The following HS3ST1 variants were observed in gnomAD, a reference collection of about 807,000 sequenced individuals.
HS3ST1 encodes the protein heparan sulfate-glucosamine 3-sulfotransferase 1.
In HS3ST1, 8 loss-of-function variants were observed where a neutral mutation model predicts 20.7. The ratio of observed to expected loss-of-function variants is 0.39; its 90% CI spans 0.23 to 0.70. The LOEUF (loss-of-function observed/expected upper bound fraction) is 0.70, where lower values mean the gene tolerates loss of function less well. Ranked by LOEUF, HS3ST1 falls within the 30% of genes least tolerant of loss-of-function variation. The pLI is 0.46. For missense variants in HS3ST1, 436 were observed against 423.4 expected, an observed-to-expected ratio of 1.03 and a Z score of -0.26; for synonymous variants, 205 against 190.4, an observed-to-expected ratio of 1.08 and a Z score of -0.63.
Position 11,393,671 on chromosome 4 carries a change from A to T in HS3ST1, c.*5411T>A, listed in dbSNP as rs1045909900. The T allele has an allele frequency of 2.6e-5, 4 of 152,242 alleles. No individual in the cohort carries two copies. Among genetic ancestry groups the T allele is most frequent in the Non-Finnish European group, 4.4e-5 (3 of 68,040 alleles). 9.4% of individuals were successfully genotyped at this position (152,242 alleles called of 1,614,324 possible). On this transcript the variant is annotated 3_prime_UTR_variant, in exon 2 of 2. Coordinates refer to ENST00000002596, the MANE Select transcript of HS3ST1 (RefSeq NM_005114.4). The stretch of plus-strand genomic sequence containing the variant: ...ACAGTTTCAGGAGAAGTCTAGCCTC[A>T]GCCTGATCTCACGAGGAGCTCTGAG...
chr4:11,410,148 C>A (rs574244831), intron 1 of HS3ST1, among the ~76,000 whole-genome samples: 2 of 152,304 alleles, frequency 1.3e-5, no homozygotes, highest in Admixed American at 6.5e-5. Flanking sequence ...TACAAGACAT[C>A]TACGATGTTT....
upstream of HS3ST1, among the ~76,000 whole-genome samples, chr4:11,430,538 C>A (rs144825333): frequency 6.6e-6 from 1 of 152,276 alleles, no homozygotes; most frequent in Middle Eastern, 3.4e-3. Flanking sequence ...CTTCAAAATA[C>A]GGGGTGGTTT....
At chr4:11,425,723 A>C (rs945595217) in intron 1 of HS3ST1, among the ~76,000 whole-genome samples, 3 of 152,214 alleles carry the variant, frequency 2.0e-5, no homozygotes, top group Non-Finnish European at 2.9e-5. Flanking sequence ...TCCAATCGGC[A>C]AGATGCATTT....
intron 1 of HS3ST1, among the ~76,000 whole-genome samples, chr4:11,415,359 G>C (rs932212116): frequency 6.6e-6 from 1 of 152,124 alleles, no homozygotes; most frequent in African/African-American, 2.4e-5. Flanking sequence ...ACCAGTGCTT[G>C]TTTTCTTAGG....
At chr4:11,409,423 T>TA (rs1002577416) in intron 1 of HS3ST1, among the ~76,000 whole-genome samples, 4 of 141,174 alleles carry the variant, frequency 2.8e-5, no homozygotes, top group Non-Finnish European at 4.7e-5. Context: ...CGGATTTCCA[T>TA]AAGGTTGTAA....
upstream of HS3ST1, among the ~76,000 whole-genome samples, chr4:11,433,795 G>T (rs944654855): frequency 6.6e-6 from 1 of 152,290 alleles, no homozygotes; most frequent in Middle Eastern, 3.4e-3. Flanking sequence ...TAAGAAGAAT[G>T]AAATTCAATC....
At chr4:11,427,964 C>A (rs896635006) in intron 1 of HS3ST1, among the ~76,000 whole-genome samples, 1 of 152,218 alleles carries the variant, frequency 6.6e-6, no homozygotes, top group East Asian at 1.9e-4. Flanking sequence ...TAAGACCCTT[C>A]CTGGGAGCTG....
At chr4:11,407,456 A>C (rs1185459587) in intron 1 of HS3ST1, among the ~76,000 whole-genome samples, 1 of 152,226 alleles carries the variant, frequency 6.6e-6, no homozygotes, top group East Asian at 1.9e-4. Flanking sequence ...TGAAGGAAGG[A>C]GATGCTTTGG....
chr4:11,427,020 A>G (rs564203982), intron 1 of HS3ST1, among the ~76,000 whole-genome samples: 2 of 152,350 alleles, frequency 1.3e-5, no homozygotes, highest in South Asian at 4.1e-4. Flanking sequence ...TGCAGAAAGC[A>G]AGAAAAAAAT....
upstream of HS3ST1, among the ~76,000 whole-genome samples, chr4:11,430,309 A>G (rs1043861938): frequency 1.3e-5 from 2 of 150,568 alleles, no homozygotes; most frequent in Admixed American, 6.6e-5. Context: ...AAAAAAAAAT[A>G]CAAATTCTAA....
intron 1 of HS3ST1, among the ~76,000 whole-genome samples, chr4:11,403,713 G>T (rs1168468122): frequency 6.6e-6 from 1 of 152,190 alleles, no homozygotes; most frequent in African/African-American, 2.4e-5. Context: ...GACACACAGG[G>T]TATGTGTAGT....
At chr4:11,426,371 C>G (rs566940147) in intron 1 of HS3ST1, among the ~76,000 whole-genome samples, 3 of 151,464 alleles carry the variant, frequency 2.0e-5, no homozygotes, top group South Asian at 2.1e-4. Flanking sequence ...AGGCCCCCCC[C>G]CCAACCCTCA....
At chr4:11,416,423 G>A (rs1302670338) in intron 1 of HS3ST1, among the ~76,000 whole-genome samples, 1 of 152,214 alleles carries the variant, frequency 6.6e-6, no homozygotes, top group Non-Finnish European at 1.5e-5. Context: ...CCTGAGGGAT[G>A]CAGCCAAGTC....
upstream of HS3ST1, among the ~76,000 whole-genome samples, chr4:11,430,586 G>A (rs1719184317): frequency 1.3e-5 from 2 of 152,170 alleles, no homozygotes; most frequent in Admixed American, 6.5e-5. Flanking sequence ...TTTCTAAAGA[G>A]CTCAAAGTGC....
Position 11,399,499 on chromosome 4 carries a change from C to CTTG in HS3ST1, c.504_506dup (p.His168_Lys169insAsn). ...GGAACTCCTCGATGGACGGGTAGGG[C>CTTG]TTGTGCTTCTGCATGTGGTTGTAGA... is the stretch of plus-strand genomic sequence containing the variant. On this transcript the variant is annotated inframe_insertion, in exon 2 of 2. Transcript: ENST00000002596. This position sits in a 1 kb window ranked among gnomAD's most constrained non-coding sequence, Gnocchi z 5.1. 6.2e-7 allele frequency: 1 copy of CTTG among 1,614,028 alleles called. No homozygotes were observed. Among genetic ancestry groups the CTTG allele is most frequent in the East Asian group, 2.2e-5 (1 of 44,868 alleles).
Position 11,416,470 on chromosome 4 carries a change from G to A in HS3ST1, c.-109+12229C>T, listed in dbSNP as rs542089685. Among the ~76,000 whole-genome samples, 3 of 152,340 alleles carry A rather than the reference G, an allele frequency of 2.0e-5. No individual in the cohort carries two copies. In the South Asian group the frequency reaches 6.2e-4, roughly 32 times the overall value. ...ACAACAGTGCCACCTGCACAATGTG[G>A]AGAGCTCCAGGAGGACTGAAGAGGT... On this transcript the variant is annotated intron_variant, in intron 1 of 1. Transcript: ENST00000002596.
At chr4:11,407,576 C>G (rs1718502441) in intron 1 of HS3ST1, among the ~76,000 whole-genome samples, 1 of 152,200 alleles carries the variant, frequency 6.6e-6, no homozygotes, top group South Asian at 2.1e-4. Context: ...TAAATGCAAC[C>G]TGTCCCATAG....
chr4:11,414,518 G>C (rs554647074), intron 1 of HS3ST1, among the ~76,000 whole-genome samples: 1 of 152,270 alleles, frequency 6.6e-6, no homozygotes, highest in South Asian at 2.1e-4. Flanking sequence ...ACTGACTGTG[G>C]CTTCCTTGGT....
chr4:11,424,058 A>C (rs969896336), intron 1 of HS3ST1, among the ~76,000 whole-genome samples: 1 of 142,152 alleles, frequency 7.0e-6, no homozygotes, highest in African/African-American at 2.6e-5. Context: ...AAAAAAAAAA[A>C]CATAACCAGG....
Sources: allele counts gnomAD v4.1 joint callset (sites outside exome capture counted in the v4.1 genomes callset), GRCh38; gene constraint gnomAD v4.1.1; non-coding constraint Gnocchi (gnomAD v3.1); transcripts MANE v1.5; gene names NCBI Gene and HGNC (gene_info 2026-07-23, HGNC 2026-07-21).